Variants in ZFHX2 observed in about 807,000 individuals in gnomAD.
ZFHX2 encodes zinc finger homeobox 2.
A neutral mutation model predicts 164.8 loss-of-function variants in ZFHX2; 75 were observed. That is an observed-to-expected ratio of 0.46 (90% CI 0.38 to 0.55). The LOEUF is 0.55. Ranked by LOEUF, ZFHX2 falls within the 20% of genes least tolerant of loss-of-function variation. The pLI is 0.00. For missense variants in ZFHX2, 2,933 were observed against 3,308.0 expected, an observed-to-expected ratio of 0.89 and a Z score of 2.78; for synonymous variants, 1,217 against 1,351.4, an observed-to-expected ratio of 0.90 and a Z score of 2.18.
chr14:23,549,652 G>A (rs1881762875), intron 1 of ZFHX2, among the ~76,000 whole-genome samples: 1 of 152,160 alleles, frequency 6.6e-6, no homozygotes, highest in Non-Finnish European at 1.5e-5. Context: ...CTGAAGGATG[G>A]GGGGCAACCA....
chr14:23,528,189 G>A (rs1421557872), intron 6 of ZFHX2, among the ~76,000 whole-genome samples: 2 of 152,176 alleles, frequency 1.3e-5, no homozygotes, highest in African/African-American at 2.4e-5. Context: ...GATTACAGGC[G>A]TGAGCCACCA....
intron 1 of ZFHX2, among the ~76,000 whole-genome samples, chr14:23,550,314 T>C (rs1881821349): frequency 6.6e-6 from 1 of 152,254 alleles, no homozygotes; most frequent in African/African-American, 2.4e-5. Context: ...AGGCCCTGAC[T>C]GTGACCACCA....
rs902547687 is a variant in ZFHX2, at chr14:23,529,692, A to C, written c.2934+18T>G. ...CCAGGCCCCCACTTCAGCTCTTCCC[A>C]GTTACCCCAATTCTGACCGTGGTCT... On this transcript the variant is annotated intron_variant, in intron 6 of 9. Coordinates refer to ENST00000419474, the MANE Select transcript of ZFHX2 (RefSeq NM_033400.3). The C allele has an allele frequency of 8.9e-5, 137 of 1,535,514 alleles. No homozygotes were observed. The highest frequency in any genetic ancestry group is 1.2e-4 in the Non-Finnish European group (132 of 1,146,444).
In ZFHX2 at chr14:23,534,184, T is replaced by A. The variant is rs1168894505; in HGVS notation, c.1142A>T (p.Glu381Val). The A allele has an allele frequency of 6.8e-7, 1 of 1,476,286 alleles. No individual in the cohort carries two copies. Among genetic ancestry groups the A allele is most frequent in the East Asian group, 2.5e-5 (1 of 40,418 alleles). 91.4% of individuals were successfully genotyped at this position (1,476,286 alleles called of 1,614,324 possible). A position where few individuals can be genotyped will look rare whatever the true frequency, so the allele number is the denominator to read the frequency against. The change falls in exon 2 of 10, where the codon GAG becomes GTG. Residue 381 changes from glutamate (E) to valine (V), a missense_variant. Physicochemically the swap from Glu to Val is moderately radical, Grantham distance 121 (BLOSUM62 -2). Transcript: ENST00000419474. This position sits in a 1 kb window ranked among gnomAD's most constrained non-coding sequence, Gnocchi z 4.5. ...GPDWFPEGQE[E>V]DGGLCPPLNQ... ...GAGTGGGGGGCAGAGCCCTCCATCC[T>A]CTTCTTGCCCCTCAGGGAACCAATC...
chr14:23,553,689 T>C (rs1882136090), upstream of ZFHX2, among the ~76,000 whole-genome samples: 1 of 149,962 alleles, frequency 6.7e-6, no homozygotes, highest in Admixed American at 6.7e-5. Flanking sequence ...GATCAGGAGA[T>C]CGAGACCATC....
intron 7 of ZFHX2, among the ~76,000 whole-genome samples, chr14:23,527,217 G>T (rs886718035): frequency 6.6e-6 from 1 of 152,190 alleles, no homozygotes; most frequent in East Asian, 1.9e-4. Flanking sequence ...GAGGCTACCT[G>T]GTCTGGCAGG....
upstream of ZFHX2, among the ~76,000 whole-genome samples, chr14:23,553,567 C>A (rs886161028): frequency 1.2e-4 from 18 of 149,870 alleles, no homozygotes; most frequent in African/African-American, 4.4e-4. Flanking sequence ...CCATTGCACT[C>A]CAGCCTGGGC....
chr14:23,555,028 C>T (rs942471853), upstream of ZFHX2, among the ~76,000 whole-genome samples: 2 of 152,172 alleles, frequency 1.3e-5, no homozygotes, highest in African/African-American at 4.8e-5. Flanking sequence ...CGTTCTGTCG[C>T]CCAGGCTGGA....
chr14:23,540,447 T>G (rs1483146505), intron 1 of ZFHX2, among the ~76,000 whole-genome samples: 7 of 152,232 alleles, frequency 4.6e-5, no homozygotes, highest in Non-Finnish European at 1.0e-4. Flanking sequence ...CCTCCCCTTT[T>G]TGTCTCAACC....
At chr14:23,537,261 C>A (rs141580061) in intron 1 of ZFHX2, among the ~76,000 whole-genome samples, 2 of 151,942 alleles carry the variant, frequency 1.3e-5, no homozygotes, top group East Asian at 1.9e-4. Context: ...GAACCTCCCC[C>A]TCAAACTCAC....
At position 23,523,958 on chromosome 14, in the gene ZFHX2, G is replaced by C. The variant is rs895055223; in HGVS notation, c.5984C>G (p.Pro1995Arg). 9.1e-6 allele frequency: 14 copies of C among 1,534,584 alleles called. No individual in the cohort carries two copies. Among genetic ancestry groups the C allele is most frequent in the Non-Finnish European group, 1.2e-5 (14 of 1,145,904 alleles). Residue 1995 changes from proline (P) to arginine (R), a missense_variant, in exon 9 of 10, where the codon CCT (proline) becomes CGT (arginine). Coordinates refer to ENST00000419474, the MANE Select transcript of ZFHX2 (RefSeq NM_033400.3). The surrounding 1 kb of genome is among the most constrained non-coding windows in gnomAD (Gnocchi z 4.1). ...KEATTPTPEP[P>R]LPLLPPPPPS... ...TGGAGGGGGAGGTAGGAGAGGTAGA[G>C]GTGGCTCTGGTGTTGGGGTGGTGGC...
chr14:23,523,217 G>C lies in ZFHX2; in HGVS notation c.6725C>G (p.Ala2242Gly). The change falls in exon 9 of 10, where the codon GCT (alanine) becomes GGT (glycine). Residue 2242 changes from alanine (A) to glycine (G), a missense_variant. By Grantham distance (60) the Ala-to-Gly change is moderately conservative. Transcript: ENST00000419474. The surrounding 1 kb of genome is among the most constrained non-coding windows in gnomAD (Gnocchi z 4.1). ...TCCCTACTCACCTGAATTGAAAGGA[G>C]CTAAGTTGCCCAGCGGGGGCTGAGC... ...ALAQPPLGNLAPFNSGPAASS... is the reference protein window; with the variant it reads ...ALAQPPLGNLGPFNSGPAASS... 7.0e-7 allele frequency: 1 copy of C among 1,430,642 alleles called. No homozygotes were observed. Among genetic ancestry groups the C allele is most frequent in the South Asian group, 1.5e-5 (1 of 66,186 alleles). 88.6% of individuals were successfully genotyped at this position (1,430,642 alleles called of 1,614,324 possible). A position where few individuals can be genotyped will look rare whatever the true frequency, so the allele number is the denominator to read the frequency against.
At chr14:23,544,979 C>T (rs1881234936) in intron 1 of ZFHX2, among the ~76,000 whole-genome samples, 1 of 151,984 alleles carries the variant, frequency 6.6e-6, no homozygotes, top group Non-Finnish European at 1.5e-5. Flanking sequence ...TCATGTCTCC[C>T]TTCCCGCTTC....
chr14:23,535,104 C>T lies in ZFHX2; in HGVS notation c.222G>A (p.Gly74=), dbSNP rs543384110. ...CACAGTCAGGCCCTTCCTGGGGCTC[C>T]CCAATCTCCTTTGGTGGGACGAGGC... ...GCGLVPPKEI[G]EPQEGPDCGH... Residue 74 remains glycine, a synonymous_variant, in exon 2 of 10, where the codon GGG becomes GGA. Transcript: ENST00000419474. This position sits in a 1 kb window ranked among gnomAD's most constrained non-coding sequence, Gnocchi z 4.5. 6.4e-5 allele frequency: 98 copies of T among 1,536,222 alleles called. 1 individual carries two copies. In the South Asian group the frequency reaches 1.1e-3, roughly 17 times the overall value.
In ZFHX2 at chr14:23,535,237, G is replaced by A; in HGVS notation, c.89C>T (p.Ser30Phe). The change falls in exon 2 of 10, where the codon TCC (serine) becomes TTC (phenylalanine). Residue 30 changes from serine to phenylalanine, a missense_variant. Coordinates refer to ENST00000419474, the MANE Select transcript of ZFHX2 (RefSeq NM_033400.3). This position sits in a 1 kb window ranked among gnomAD's most constrained non-coding sequence, Gnocchi z 4.5. ...GGTGACAGGATCAGAGGGGGTGCTG[G>A]AGGAGAAGGTGTCCGAAGGCAGGGA... ...APSLPSDTFS[S>F]STPSDPVTKD... 1 of 1,520,126 alleles carries A rather than the reference G, an allele frequency of 6.6e-7. No homozygotes were observed. The highest frequency in any genetic ancestry group is 1.4e-5 in the African/African-American group (1 of 72,866). The allele number at this position is 1,520,126 out of a possible 1,614,324, so 94.2% of individuals were successfully genotyped here.
rs1385933629 is a variant in ZFHX2, at chr14:23,525,667, G to A, written c.4275C>T (p.Ser1425=). The A allele has an allele frequency of 1.3e-6, 2 of 1,535,030 alleles. No homozygotes were observed. The highest frequency in any genetic ancestry group is 2.4e-5 in the East Asian group (1 of 40,896). Residue 1425 remains serine, a synonymous_variant, in exon 9 of 10, where the codon TCC becomes TCT. Transcript: ENST00000419474. This position sits in a 1 kb window ranked among gnomAD's most constrained non-coding sequence, Gnocchi z 5.9. ...CGTTGGGCAATGGGTCGGGGGGTGAGGAAGGCCCTGCCTCATTACCCTCTT... is the reference window on the plus strand; with the variant it reads ...CGTTGGGCAATGGGTCGGGGGGTGAAGAAGGCCCTGCCTCATTACCCTCTT... ...MAKEGNEAGP[S]SPPDPLPNEA... is the part of the protein sequence containing the mutation.
chr14:23,547,121 T>TC (rs1324972035), intron 1 of ZFHX2, among the ~76,000 whole-genome samples: 2 of 152,178 alleles, frequency 1.3e-5, no homozygotes, highest in Non-Finnish European at 2.9e-5. Context: ...ATCTCTTGCC[T>TC]CCCCCTCTTC....
chr14:23,534,871 T>C lies in ZFHX2; in HGVS notation c.455A>G (p.Glu152Gly). Residue 152 changes from glutamate to glycine, a missense_variant, in exon 2 of 10, where the codon GAG becomes GGG. Physicochemically the swap from Glu to Gly is moderately conservative, Grantham distance 98. Coordinates refer to ENST00000419474, the MANE Select transcript of ZFHX2 (RefSeq NM_033400.3). The surrounding 1 kb of genome is among the most constrained non-coding windows in gnomAD (Gnocchi z 4.5). ...FPWGEAGIKE[E>G]PSLPFLAYPP... ...GTAGGCAAGGAAGGGCAGACTGGGC[T>C]CTTCCTTGATGCCCGCCTCACCCCA... 2.6e-6 allele frequency: 4 copies of C among 1,536,084 alleles called. No homozygotes were observed. The highest frequency in any genetic ancestry group is 3.5e-6 in the Non-Finnish European group (4 of 1,146,886).
rs1244819853 is a variant in ZFHX2, at chr14:23,526,861, C to T, written c.3248G>A (p.Arg1083Lys). The T allele has an allele frequency of 1.3e-6, 2 of 1,531,770 alleles. No homozygotes were observed. The highest frequency in any genetic ancestry group is 2.4e-5 in the East Asian group (1 of 40,858). The allele number at this position is 1,531,770 out of a possible 1,614,324, so 94.9% of individuals were successfully genotyped here. ...PTHGPEPTPS[R>K]DQAAEGPNLT... ...CCATTCCTTACCTGCTGCCTGGTCT[C>T]TGCTCGGTGTAGGCTCTGGCCCATG... Residue 1083 changes from arginine to lysine, a missense_variant, in exon 8 of 10, where the codon AGA (arginine) becomes AAA (lysine). By Grantham distance (26) the Arg-to-Lys change is conservative. Coordinates refer to ENST00000419474, the MANE Select transcript of ZFHX2 (RefSeq NM_033400.3).
Sources: gnomAD v4.1 joint callset for allele counts (sites outside exome capture counted in the v4.1 genomes callset) on GRCh38, gnomAD v4.1.1 for gene constraint, Gnocchi (gnomAD v3.1) non-coding constraint, MANE v1.5 for transcripts, NCBI Gene and HGNC (gene_info 2026-07-23, HGNC 2026-07-21) for gene names.